MC5R: variants seen among roughly 807,000 people sequenced by gnomAD.
MC5R encodes the protein melanocortin receptor 5.
For synonymous variants in MC5R, 167 were observed against 164.4 expected (o/e 1.02, Z -0.12); for missense variants, 420 against 431.4 (o/e 0.97, Z 0.23).
Position 13,825,754 on chromosome 18 carries a change from A to T in MC5R, c.-12A>T. 1.3e-6 allele frequency: 2 copies of T among 1,551,884 alleles called. No homozygotes were observed. The highest frequency in any genetic ancestry group is 1.7e-6 in the Non-Finnish European group (2 of 1,152,626). On this transcript the variant is annotated 5_prime_UTR_variant, in exon 2 of 2. Coordinates refer to ENST00000589410, the MANE Select transcript of MC5R (RefSeq NM_005913.3). The stretch of plus-strand genomic sequence containing the variant: ...AATTTGCTGCCAAGACAAGAGGTGT[A>T]TTTCTCCAGCAATGAATTCCTCATT...
At position 13,826,938 on chromosome 18, in the gene MC5R, G is replaced by A. The variant is rs1309601890; in HGVS notation, c.*195G>A. ...GCAAGGGTTGCTTATCCACTCTGGG[G>A]ACAGTCATGACAATTTCTTACTGTC... On this transcript the variant is annotated 3_prime_UTR_variant, in exon 2 of 2. Coordinates refer to ENST00000589410, the MANE Select transcript of MC5R (RefSeq NM_005913.3). 8.7e-6 allele frequency: 5 copies of A among 574,870 alleles called. No homozygotes were observed. The Admixed American group carries it at 1.0e-4, about 12-fold the overall frequency. The allele number at this position is 574,870 out of a possible 1,614,324, so 35.6% of individuals were successfully genotyped here.
Position 13,826,173 on chromosome 18 carries a change from T to C in MC5R, c.408T>C (p.Ile136=), listed in dbSNP as rs1039612129. The change falls in exon 2 of 2, where the codon ATT becomes ATC. Residue 136 remains isoleucine, a synonymous_variant. Transcript: ENST00000589410. ...VVASMCSLLA[I]AVDRYVTIFY... is the part of the protein sequence containing the mutation. The stretch of plus-strand genomic sequence containing the variant: ...CATCCATGTGCAGCTTACTGGCCAT[T>C]GCAGTGGATAGGTACGTCACCATCT... 16 of 1,614,142 alleles carry C rather than the reference T, an allele frequency of 9.9e-6. No homozygotes were observed. The highest frequency in any genetic ancestry group is 1.4e-5 in the Non-Finnish European group (16 of 1,180,034).
Position 13,826,702 on chromosome 18 carries a change from C to G in MC5R, c.937C>G (p.Arg313Gly), listed in dbSNP as rs770211411. The G allele has an allele frequency of 1.9e-5, 31 of 1,613,112 alleles. No individual in the cohort carries two copies. Among genetic ancestry groups the G allele is most frequent in the Non-Finnish European group, 2.5e-5 (29 of 1,179,752 alleles). The change falls in exon 2 of 2, where the codon CGT becomes GGT. Residue 313 changes from arginine to glycine, a missense_variant. Physicochemically the swap from Arg to Gly is moderately radical, Grantham distance 125. Transcript: ENST00000589410. ...GACCTTTAAGGAGATTATTTGCTGC[C>G]GTGGTTTCAGGATCGCCTGCAGCTT... ...RKTFKEIICC[R>G]GFRIACSFPR...
intron 1 of MC5R, among the ~76,000 whole-genome samples, chr18:13,825,093 G>A (rs1422009928): frequency 6.6e-6 from 1 of 152,146 alleles, no homozygotes; most frequent in African/African-American, 2.4e-5. Context: ...AAGTGTTAGG[G>A]ATGCACCTGT....
chr18:13,825,147 G>C (rs1345693938), intron 1 of MC5R, among the ~76,000 whole-genome samples: 2 of 152,160 alleles, frequency 1.3e-5, no homozygotes, highest in East Asian at 3.9e-4. Context: ...TCTTAAATCG[G>C]AGCTCCCTTG....
chr18:13,827,193 C>G lies in MC5R; in HGVS notation c.*450C>G, dbSNP rs1568533536. On this transcript the variant is annotated 3_prime_UTR_variant, in exon 2 of 2. Transcript: ENST00000589410. ...CTGGCTGCACTCTGAGCTATGCATG[C>G]TTTTCAGGGAAGAAAAGAGTGGCCA... 1 of 156,680 alleles carries G rather than the reference C, an allele frequency of 6.4e-6. No homozygotes were observed. The highest frequency in any genetic ancestry group is 1.4e-5 in the Non-Finnish European group (1 of 71,368). 9.7% of individuals were successfully genotyped at this position (156,680 alleles called of 1,614,324 possible).
chr18:13,826,603 T>A lies in MC5R; in HGVS notation c.838T>A (p.Tyr280Asn). 1 of 1,614,160 alleles carries A rather than the reference T, an allele frequency of 6.2e-7. No individual in the cohort carries two copies. The highest frequency in any genetic ancestry group is 1.3e-5 in the African/African-American group (1 of 75,052). ...CSRFMSHFNMYLILIMCNSVM... is the reference protein window; with the variant it reads ...CSRFMSHFNMNLILIMCNSVM... Reference sequence around the variant, plus strand: ...TCGCTTCATGTCTCACTTCAATATGTACCTCATACTCATCATGTGTAATTC... The same window carrying A: ...TCGCTTCATGTCTCACTTCAATATGAACCTCATACTCATCATGTGTAATTC... The change falls in exon 2 of 2, where the codon TAC (tyrosine) becomes AAC (asparagine). Residue 280 changes from tyrosine to asparagine, a missense_variant. By Grantham distance (143) the Tyr-to-Asn change is moderately radical. Transcript: ENST00000589410.
At chr18:13,825,451 C>T (rs1049279006) in intron 1 of MC5R, 2 of 233,380 alleles carry the variant, frequency 8.6e-6, no homozygotes, top group Non-Finnish European at 1.6e-5. Context: ...AAGCCAGCTG[C>T]CGGGCACGTG....
intron 1 of MC5R, among the ~76,000 whole-genome samples, chr18:13,825,094 A>G (rs924659972): frequency 1.2e-4 from 18 of 152,162 alleles, no homozygotes; most frequent in Non-Finnish European, 1.5e-5. Flanking sequence ...AGTGTTAGGG[A>G]TGCACCTGTC....
At chr18:13,825,074 T>C (rs1482002440) in intron 1 of MC5R, among the ~76,000 whole-genome samples, 2 of 152,182 alleles carry the variant, frequency 1.3e-5, no homozygotes, top group Non-Finnish European at 1.5e-5. Context: ...GTCTAAGAAG[T>C]GTCAGGACAA....
At chr18:13,825,097 C>A (rs577068734) in intron 1 of MC5R, among the ~76,000 whole-genome samples, 1 of 152,252 alleles carries the variant, frequency 6.6e-6, no homozygotes, top group South Asian at 2.1e-4. Flanking sequence ...GTTAGGGATG[C>A]ACCTGTCTGT....
rs761305888 is a variant in MC5R at position 13,825,819 on chromosome 18, G to A, written c.54G>A (p.Glu18=). ...TGGATCTCAACCTGAATGCCACAGA[G>A]GGCAACCTTTCAGGACCCAATGTCA... ...HFLDLNLNAT[E]GNLSGPNVKN... Residue 18 remains glutamate, a synonymous_variant, in exon 2 of 2, where the codon GAG becomes GAA. Transcript: ENST00000589410. 6.2e-7 allele frequency: 1 copy of A among 1,609,034 alleles called. No individual in the cohort carries two copies.
intron 1 of MC5R, among the ~76,000 whole-genome samples, chr18:13,824,908 A>C (rs971682586): frequency 3.3e-5 from 5 of 152,150 alleles, no homozygotes; most frequent in African/African-American, 9.7e-5. Flanking sequence ...ATAGGTATTG[A>C]GGGAAAAGCA....
chr18:13,825,050 C>G (rs2044919647), intron 1 of MC5R, among the ~76,000 whole-genome samples: 1 of 152,146 alleles, frequency 6.6e-6, no homozygotes, highest in Non-Finnish European at 1.5e-5. Context: ...GCTGTGGAGG[C>G]TGAATCCTGA....
chr18:13,826,141 G>A lies in MC5R; in HGVS notation c.376G>A (p.Val126Met), dbSNP rs554653636. The A allele has an allele frequency of 3.7e-6, 6 of 1,614,124 alleles. No homozygotes were observed. The African/African-American group carries it at 4.0e-5, about 11-fold the overall frequency. Reference sequence around the variant, plus strand: ...GTTTGACTCCATGATCTGCATTTCCGTGGTGGCATCCATGTGCAGCTTACT... The same window carrying A: ...GTTTGACTCCATGATCTGCATTTCCATGGTGGCATCCATGTGCAGCTTACT... ...NVFDSMICIS[V>M]VASMCSLLAI... The change falls in exon 2 of 2, where the codon GTG becomes ATG. Residue 126 changes from valine (V) to methionine (M), a missense_variant. By Grantham distance (21) the Val-to-Met change is conservative. Coordinates refer to ENST00000589410, the MANE Select transcript of MC5R (RefSeq NM_005913.3).
At position 13,826,106 on chromosome 18, in the gene MC5R, T is replaced by A. The variant is rs570780983; in HGVS notation, c.341T>A (p.Ile114Asn). ...ATAGCAGACGCCTTTGTGCGCCACA[T>A]TGACAATGTGTTTGACTCCATGATC... ...LVIADAFVRHIDNVFDSMICI... is the reference protein window; with the variant it reads ...LVIADAFVRHNDNVFDSMICI... The change falls in exon 2 of 2, where the codon ATT (isoleucine) becomes AAT (asparagine). Residue 114 changes from isoleucine to asparagine, a missense_variant. Transcript: ENST00000589410. 2.0e-5 allele frequency: 33 copies of A among 1,614,140 alleles called. No homozygotes were observed. In the South Asian group the frequency reaches 3.4e-4, roughly 17 times the overall value.
In MC5R at chr18:13,826,302, G is replaced by A. The variant is rs148787359; in HGVS notation, c.537G>A (p.Leu179=). 2.6e-4 allele frequency: 414 copies of A among 1,614,168 alleles called. 1 individual carries two copies. The African/African-American group carries it at 5.1e-3, about 20-fold the overall frequency. ...CGGGCTGCGGCATTGTCTTCATCCT[G>A]TACTCAGAATCCACCTACGTCATCC... is the stretch of plus-strand genomic sequence containing the variant. The part of the protein sequence containing the change: ...FCTGCGIVFI[L]YSESTYVILC... Residue 179 remains leucine, a synonymous_variant, in exon 2 of 2, where the codon CTG becomes CTA. Transcript: ENST00000589410.
Position 13,826,581 on chromosome 18 carries a change from C to A in MC5R, c.816C>A (p.Arg272=). 1 of 1,614,136 alleles carries A rather than the reference C, an allele frequency of 6.2e-7. No individual in the cohort carries two copies. The highest frequency in any genetic ancestry group is 8.5e-7 in the Non-Finnish European group (1 of 1,180,016). The change falls in exon 2 of 2, where the codon CGC becomes CGA. Residue 272 remains arginine, a synonymous_variant. Transcript: ENST00000589410. ...GCCCTCAGAACCTCTACTGCTCTCG[C>A]TTCATGTCTCACTTCAATATGTACC... The part of the protein sequence containing the change: ...LSCPQNLYCS[R]FMSHFNMYLI...
Position 13,825,578 on chromosome 18 carries a change from A to AAAG in MC5R, c.-39-147_-39-146insGAA, listed in dbSNP as rs2044923053. ...ACCCTGTCTCTTAAAAAAAAAAAAA[A>AAAG]AAAAGGACTGAGTGAGCCGAGCCCA... is the stretch of plus-strand genomic sequence containing the variant. On this transcript the variant is annotated intron_variant, in intron 1 of 1. Coordinates refer to ENST00000589410, the MANE Select transcript of MC5R (RefSeq NM_005913.3). 7 of 480,918 alleles carry AAAG rather than the reference A, an allele frequency of 1.5e-5. No homozygotes were observed. The South Asian group carries it at 2.9e-4, about 20-fold the overall frequency. 29.8% of individuals were successfully genotyped at this position (480,918 alleles called of 1,614,324 possible).
Sources: gnomAD v4.1 joint callset for allele counts (sites outside exome capture counted in the v4.1 genomes callset) on GRCh38, gnomAD v4.1.1 for gene constraint, MANE v1.5 for transcripts, NCBI Gene and HGNC (gene_info 2026-07-23, HGNC 2026-07-21) for gene names.